INPP4B: variants seen among roughly 807,000 people sequenced by gnomAD.
INPP4B encodes the protein inositol polyphosphate-4-phosphatase type II B.
Under a neutral mutation model 122.5 loss-of-function variants are expected in INPP4B, and 55 were observed. The ratio of observed to expected loss-of-function variants is 0.45; its 90% confidence interval spans 0.36 to 0.56. The LOEUF is 0.56. Among genes scored for constraint, INPP4B ranks in the 20% least tolerant of loss-of-function variants. The pLI is 0.00. For synonymous variants in INPP4B, 403 were observed against 388.7 expected (o/e 1.04, Z -0.43); for missense variants, 1,000 against 1,097.7 (o/e 0.91, Z 1.26).
intron 2 of INPP4B, among the ~76,000 whole-genome samples, chr4:142,505,230 CTCTG>C (rs1040826570): frequency 8.8e-5 from 13 of 146,956 alleles, no homozygotes; most frequent in African/African-American, 2.0e-4. Context: ...CAGAGAGAGA[CTCTG>C]TCTATTAAAA....
At chr4:142,297,132 T>A (rs1347414610) in intron 9 of INPP4B, among the ~76,000 whole-genome samples, 1 of 152,218 alleles carries the variant, frequency 6.6e-6, no homozygotes, top group African/African-American at 2.4e-5. Flanking sequence ...GCTAAAGTTT[T>A]TAGTCTAAAT....
intron 14 of INPP4B, among the ~76,000 whole-genome samples, chr4:142,198,499 T>C (rs1489959019): frequency 2.0e-5 from 3 of 151,926 alleles, no homozygotes; most frequent in Non-Finnish European, 4.4e-5. Flanking sequence ...GCTTTTCTTT[T>C]CCAGCGTTCT....
intron 2 of INPP4B, among the ~76,000 whole-genome samples, chr4:142,573,752 C>T (rs749258439): frequency 2.0e-5 from 3 of 152,038 alleles, no homozygotes; most frequent in Non-Finnish European, 4.4e-5. Context: ...AGCACAGTCA[C>T]GAAAAACACC....
chr4:142,495,010 C>T (rs1390117560), intron 2 of INPP4B, among the ~76,000 whole-genome samples: 2 of 152,094 alleles, frequency 1.3e-5, no homozygotes, highest in African/African-American at 4.8e-5. Context: ...TAGTTTTGTA[C>T]AGTGGAAGGA....
intron 1 of INPP4B, among the ~76,000 whole-genome samples, chr4:142,748,517 G>A (rs927102390): frequency 2.0e-5 from 3 of 151,596 alleles, no homozygotes; most frequent in African/African-American, 7.3e-5. Flanking sequence ...AAACAAAATT[G>A]TAAAAATTAA....
intron 2 of INPP4B, among the ~76,000 whole-genome samples, chr4:142,641,717 G>A (rs1188931151): frequency 1.3e-5 from 2 of 152,042 alleles, no homozygotes; most frequent in African/African-American, 4.8e-5. Flanking sequence ...GAGTAGTGCT[G>A]CAATAAACAT....
chr4:142,822,440 A>G (rs1053396689), intron 1 of INPP4B, among the ~76,000 whole-genome samples: 1 of 152,132 alleles, frequency 6.6e-6, no homozygotes, highest in African/African-American at 2.4e-5. Context: ...GAGCTGCAGG[A>G]GAGTGAGCAT....
Position 142,481,301 on chromosome 4 carries a change from C to CA in INPP4B, c.-190-18576dup, listed in dbSNP as rs147424040. Among the ~76,000 whole-genome samples the CA allele has an allele frequency of 2.0e-5, 3 of 151,900 alleles. No individual in the cohort carries two copies. The East Asian group carries it at 5.8e-4, about 30-fold the overall frequency. On this transcript the variant is annotated intron_variant, in intron 2 of 25. Transcript: ENST00000262992. ...ATTTCCGGTACCCCTAAAGACACAA[C>CA]ATTTATTTAAGGCCTGAAAAGGGTG...
In INPP4B at chr4:142,796,041, A is replaced by G. The variant is rs142830090; in HGVS notation, c.-254+50168T>C. 3.1e-4 allele frequency among the ~76,000 whole-genome samples: 47 copies of G among 152,124 alleles called. No individual in the cohort carries two copies. In the East Asian group the frequency reaches 8.1e-3, roughly 26 times the overall value. On this transcript the variant is annotated intron_variant, in intron 1 of 25. Transcript: ENST00000262992. ...ATTGCATTTTACATCCATTCCTCCT[A>G]AAATAAAACCCCTTATTGTTGAATT...
intron 7 of INPP4B, among the ~76,000 whole-genome samples, chr4:142,321,683 A>G (rs1770102460): frequency 6.6e-6 from 1 of 151,960 alleles, no homozygotes; most frequent in Admixed American, 6.6e-5. Flanking sequence ...TGTTGAATAG[A>G]GTGTCCTTTC....
At chr4:142,550,621 T>TATATA (rs371250535) in intron 2 of INPP4B, among the ~76,000 whole-genome samples, 42,334 of 126,472 alleles carry the variant, frequency 0.33, 7,951 homozygotes, top group Non-Finnish European at 0.45. Flanking sequence ...TATATATATA[T>TATATA]TTTTTTTTTT....
At chr4:142,401,408 C>T (rs1322789915) in intron 7 of INPP4B, among the ~76,000 whole-genome samples, 1 of 152,086 alleles carries the variant, frequency 6.6e-6, no homozygotes. Flanking sequence ...AACTCCCAGG[C>T]AAATATTTTT....
At position 142,023,339 on chromosome 4, in the gene INPP4B, A is replaced by G. The variant is rs1366794161; in HGVS notation, c.*5443T>C. On this transcript the variant is annotated 3_prime_UTR_variant, in exon 26 of 26. Coordinates refer to ENST00000262992, the MANE Select transcript of INPP4B (RefSeq NM_001101669.3). ...TTGATTCATCTAAAATACATATATAACATAAAAAGAAAACAAATGCCAACC... is the reference window on the plus strand; with the variant it reads ...TTGATTCATCTAAAATACATATATAGCATAAAAAGAAAACAAATGCCAACC... 1 of 152,180 alleles carries G rather than the reference A, an allele frequency of 6.6e-6. No individual in the cohort carries two copies. Among genetic ancestry groups the G allele is most frequent in the African/African-American group, 2.4e-5 (1 of 41,452 alleles). The allele number at this position is 152,180 out of a possible 1,614,324, so 9.4% of individuals were successfully genotyped here.
At chr4:142,104,333 T>A (rs1322529987) in intron 23 of INPP4B, among the ~76,000 whole-genome samples, 7 of 152,268 alleles carry the variant, frequency 4.6e-5, no homozygotes, top group African/African-American at 1.4e-4. Flanking sequence ...ATTTTATTTC[T>A]AACACAAAAT....
intron 2 of INPP4B, among the ~76,000 whole-genome samples, chr4:142,535,879 A>G (rs913746809): frequency 2.6e-5 from 4 of 152,154 alleles, no homozygotes; most frequent in Non-Finnish European, 5.9e-5. Flanking sequence ...CCAGGCTGAT[A>G]TCTTCAGTTC....
chr4:142,557,627 T>C (rs1729492048), intron 2 of INPP4B, among the ~76,000 whole-genome samples: 1 of 152,188 alleles, frequency 6.6e-6, no homozygotes, highest in Non-Finnish European at 1.5e-5. Context: ...CTGTTTAAGA[T>C]ACAGCCTTGG....
intron 2 of INPP4B, among the ~76,000 whole-genome samples, chr4:142,497,456 T>C (rs1393619649): frequency 6.6e-6 from 1 of 152,146 alleles, no homozygotes; most frequent in African/African-American, 2.4e-5. Flanking sequence ...ACCTCAAATT[T>C]ATACAGAGGC....
At chr4:142,417,825 T>A (rs888458517) in intron 5 of INPP4B, among the ~76,000 whole-genome samples, 2 of 152,166 alleles carry the variant, frequency 1.3e-5, no homozygotes, top group Non-Finnish European at 2.9e-5. Flanking sequence ...AATACCAGCC[T>A]GGCCCTGACT....
rs56908599 is a variant in INPP4B at position 142,268,322 on chromosome 4, C to CAAAAAAAAAAAAAAAAA, written c.615+2324_615+2340dup. Among the ~76,000 whole-genome samples, 32 of 6,902 alleles carry CAAAAAAAAAAAAAAAAA rather than the reference C, an allele frequency of 4.6e-3. 8 individuals carry two copies. The highest frequency in any genetic ancestry group is 0.014 in the Admixed American group (4 of 288). 4.5% of individuals were successfully genotyped at this position (6,902 alleles called of 152,430 possible). ...TGGGTGACAGAGCAAGACTCCGTCT[C>CAAAAAAAAAAAAAAAAA]AAAAAAAAAAAAAAAAAAAAAAAAT... On this transcript the variant is annotated intron_variant, in intron 10 of 25. Coordinates refer to ENST00000262992, the MANE Select transcript of INPP4B (RefSeq NM_001101669.3).
Sources: allele counts gnomAD v4.1 joint callset (sites outside exome capture counted in the v4.1 genomes callset), GRCh38; gene constraint gnomAD v4.1.1; transcripts MANE v1.5; gene names NCBI Gene and HGNC (gene_info 2026-07-23, HGNC 2026-07-21).